Variants in PSMF1 observed in about 807,000 individuals in gnomAD.
PSMF1 encodes proteasome inhibitor subunit 1.
PSMF1 carries 30 observed loss-of-function variants against 29.3 expected under a neutral mutation model. The observed-to-expected ratio is 1.02, with a 90% confidence interval of 0.77 to 1.39. The LOEUF (loss-of-function observed/expected upper bound fraction) is 1.39. Among genes scored for constraint, PSMF1 ranks in the 40% most tolerant of loss-of-function variants. PSMF1 has a pLI of 0.00. For missense variants in PSMF1, 344 were observed against 357.5 expected (o/e 0.96, Z 0.31); for synonymous variants, 134 against 139.7 (o/e 0.96, Z 0.29).
chr20:1,144,309 C>T (rs1054136042), intron 4 of PSMF1, among the ~76,000 whole-genome samples: 7 of 152,176 alleles, frequency 4.6e-5, no homozygotes, highest in Admixed American at 1.3e-4. Flanking sequence ...AAAACTGGAT[C>T]ATGTACACTG....
chr20:1,127,215 T>C (rs1481966712), intron 2 of PSMF1: 6 of 723,388 alleles, frequency 8.3e-6, no homozygotes, highest in Non-Finnish European at 1.3e-5. Context: ...GGGAAGTAGG[T>C]GTTTTAGTCT....
At chr20:1,156,510 G>T (rs946197050) in intron 4 of PSMF1, among the ~76,000 whole-genome samples, 1 of 151,992 alleles carries the variant, frequency 6.6e-6, no homozygotes, top group South Asian at 2.1e-4. Context: ...GAAAGCAGTT[G>T]GAAAAAAACA....
At chr20:1,126,078 T>G (rs1015204459) in intron 2 of PSMF1, 24 of 387,154 alleles carry the variant, frequency 6.2e-5, no homozygotes, top group Non-Finnish European at 1.0e-4. Flanking sequence ...TCCTTCATCC[T>G]GGACAATTCT....
chr20:1,166,402 A>C lies in PSMF1; in HGVS notation c.*1322A>C. The C allele has an allele frequency of 1.1e-6, 1 of 886,240 alleles. No homozygotes were observed. The highest frequency in any genetic ancestry group is 1.8e-6 in the Non-Finnish European group (1 of 554,610). The allele number at this position is 886,240 out of a possible 1,614,324, so 54.9% of individuals were successfully genotyped here. A position where few individuals can be genotyped will look rare whatever the true frequency, so the allele number is the denominator to read the frequency against. ...TCAGCTCCCTGGATTCCTTCCCCTA[A>C]ATTAGGACCTATTATTTACCTGTAG... On this transcript the variant is annotated 3_prime_UTR_variant, in exon 7 of 7. Transcript: ENST00000335877.
intron 4 of PSMF1, among the ~76,000 whole-genome samples, chr20:1,159,204 T>A (rs553233653): frequency 5.9e-5 from 9 of 152,156 alleles, no homozygotes; most frequent in South Asian, 2.1e-4. Context: ...AAAAATTTTT[T>A]ATATTTTTCC....
chr20:1,149,208 A>G (rs1044017268), intron 4 of PSMF1, among the ~76,000 whole-genome samples: 1 of 152,216 alleles, frequency 6.6e-6, no homozygotes, highest in African/African-American at 2.4e-5. Flanking sequence ...CTTTTCAAAT[A>G]ATTCTAGATA....
chr20:1,118,702 C>T lies in PSMF1; in HGVS notation c.-72C>T, dbSNP rs1052338808. ...GAGGGAAGCAGAGTTATAGCTACCC[C>T]GGCCGCGGAGCCGGCTCACTGCACT... On this transcript the variant is annotated 5_prime_UTR_variant, in exon 1 of 7. Coordinates refer to ENST00000335877, the MANE Select transcript of PSMF1 (RefSeq NM_006814.5). The T allele has an allele frequency of 1.3e-6, 2 of 1,508,206 alleles. No individual in the cohort carries two copies. Among genetic ancestry groups the T allele is most frequent in the Admixed American group, 1.8e-5 (1 of 54,136 alleles). 93.4% of individuals were successfully genotyped at this position (1,508,206 alleles called of 1,614,324 possible). A position where few individuals can be genotyped will look rare whatever the true frequency, so the allele number is the denominator to read the frequency against.
intron 3 of PSMF1, among the ~76,000 whole-genome samples, chr20:1,129,777 G>A (rs2086205255): frequency 6.6e-6 from 1 of 152,202 alleles, no homozygotes; most frequent in Non-Finnish European, 1.5e-5. Context: ...CAATATGACA[G>A]TTCTTCAAAA....
rs144622648 is a variant in PSMF1 at position 1,163,659 on chromosome 20, C to T, written c.605+476C>T. ...TTTAACCTCTGCTACAAAGTGACCC[C>T]GACTTCAGCATCTCATTTGTAGACA... On this transcript the variant is annotated intron_variant, in intron 5 of 6. Transcript: ENST00000335877. This position sits in a 1 kb window ranked among gnomAD's most constrained non-coding sequence, Gnocchi z 6.1. Among the ~76,000 whole-genome samples, 215 of 152,308 alleles carry T rather than the reference C, an allele frequency of 1.4e-3. No individual in the cohort carries two copies. Among genetic ancestry groups the T allele is most frequent in the African/African-American group, 4.8e-3 (200 of 41,580 alleles).
intron 4 of PSMF1, among the ~76,000 whole-genome samples, chr20:1,149,832 T>G (rs768384491): frequency 1.3e-5 from 2 of 152,166 alleles, no homozygotes; most frequent in African/African-American, 2.4e-5. Flanking sequence ...GCCTAGAAGT[T>G]TGAGACCAGC....
Position 1,164,210 on chromosome 20 carries a change from T to C in PSMF1, c.606-108T>C. 1 of 1,193,264 alleles carries C rather than the reference T, an allele frequency of 8.4e-7. No individual in the cohort carries two copies. The highest frequency in any genetic ancestry group is 2.3e-5 in the East Asian group (1 of 42,644). 73.9% of individuals were successfully genotyped at this position (1,193,264 alleles called of 1,614,324 possible). A position where few individuals can be genotyped will look rare whatever the true frequency, so the allele number is the denominator to read the frequency against. Reference sequence around the variant, plus strand: ...GCCATCCACATGTCTGCTTGGGCCATCCAGAGTAGACATCCCAGCCATTCT... The same window carrying C: ...GCCATCCACATGTCTGCTTGGGCCACCCAGAGTAGACATCCCAGCCATTCT... On this transcript the variant is annotated intron_variant, in intron 5 of 6. Transcript: ENST00000335877. This position sits in a 1 kb window ranked among gnomAD's most constrained non-coding sequence, Gnocchi z 4.1.
Position 1,164,028 on chromosome 20 carries a change from T to G in PSMF1, c.606-290T>G, listed in dbSNP as rs1037388614. Among the ~76,000 whole-genome samples, 1 of 152,204 alleles carries G rather than the reference T, an allele frequency of 6.6e-6. No homozygotes were observed. The highest frequency in any genetic ancestry group is 2.4e-5 in the African/African-American group (1 of 41,444). ...GATCAAGTTGGCCCTCTTGAGTATATGATATGGCAGGGATCTCAATTTTGA... is the reference window on the plus strand; with the variant it reads ...GATCAAGTTGGCCCTCTTGAGTATAGGATATGGCAGGGATCTCAATTTTGA... On this transcript the variant is annotated intron_variant, in intron 5 of 6. Coordinates refer to ENST00000335877, the MANE Select transcript of PSMF1 (RefSeq NM_006814.5). This position sits in a 1 kb window ranked among gnomAD's most constrained non-coding sequence, Gnocchi z 4.1.
chr20:1,118,990 T>G, intron 1 of PSMF1, 88 bp downstream of exon 1: 1 of 1,504,162 alleles, frequency 6.6e-7, no homozygotes, highest in Non-Finnish European at 9.0e-7. Context: ...AGCGCCCGAT[T>G]TCCCCGCTTC....
chr20:1,170,406 C>G lies in PSMF1; in HGVS notation c.*5326C>G, dbSNP rs535159953. Among the ~76,000 whole-genome samples the G allele has an allele frequency of 4.4e-3, 670 of 152,282 alleles. 3 individuals are homozygous for G. Among genetic ancestry groups the G allele is most frequent in the Non-Finnish European group, 7.7e-3 (522 of 68,018 alleles). ...ATTCGAAGTTTTCGTTGATTTTACC[C>G]CCAGTATCCACTCCATTCCTTTGCC... On this transcript the variant is annotated 3_prime_UTR_variant, in exon 7 of 7. Transcript: ENST00000335877.
At chr20:1,132,431 A>T (rs900677287) in intron 3 of PSMF1, among the ~76,000 whole-genome samples, 1 of 151,800 alleles carries the variant, frequency 6.6e-6, no homozygotes, top group East Asian at 1.9e-4. Flanking sequence ...GCGTGCCACC[A>T]TGCCTGGCTA....
Position 1,135,213 on chromosome 20 carries a change from G to C in PSMF1, c.458G>C (p.Ser153Thr). 1 of 1,614,106 alleles carries C rather than the reference G, an allele frequency of 6.2e-7. No homozygotes were observed. The highest frequency in any genetic ancestry group is 8.5e-7 in the Non-Finnish European group (1 of 1,180,012). Residue 153 changes from serine (S) to threonine (T), a missense_variant, in exon 4 of 7, where the codon AGT (serine) becomes ACT (threonine). By Grantham distance (58) the Ser-to-Thr change is moderately conservative. Transcript: ENST00000335877. The stretch of plus-strand genomic sequence containing the variant: ...CAGTGGGAAAAGGCTAATGTAAGCA[G>C]TCCCCACCGGGAGTTCCCCCCTGCT... Reference protein sequence around the residue: ...HEQWEKANVSSPHREFPPATA... With the variant: ...HEQWEKANVSTPHREFPPATA...
At chr20:1,161,173 C>G in intron 4 of PSMF1, 1 of 334,814 alleles carries the variant, frequency 3.0e-6, no homozygotes. Context: ...TACAGCTTCC[C>G]TACCACAGCC....
At chr20:1,156,969 T>A (rs887181306) in intron 4 of PSMF1, among the ~76,000 whole-genome samples, 1 of 152,198 alleles carries the variant, frequency 6.6e-6, no homozygotes, top group Non-Finnish European at 1.5e-5. Context: ...GGGAGTTTAT[T>A]AAGTATTAAC....
intron 1 of PSMF1, among the ~76,000 whole-genome samples, chr20:1,120,922 G>A (rs934849199): frequency 1.5e-4 from 23 of 152,004 alleles, no homozygotes; most frequent in African/African-American, 5.6e-4. Context: ...TTCTCTCCTT[G>A]CCATTCCACA....
Sources: allele counts gnomAD v4.1 joint callset (sites outside exome capture counted in the v4.1 genomes callset), GRCh38; gene constraint gnomAD v4.1.1; non-coding constraint Gnocchi (gnomAD v3.1); transcripts MANE v1.5; gene names NCBI Gene and HGNC (gene_info 2026-07-23, HGNC 2026-07-21).